AOPEP: variants seen among roughly 807,000 people sequenced by gnomAD.
The protein encoded by AOPEP is aminopeptidase O.
AOPEP carries 77 observed loss-of-function variants against 98.1 expected under a neutral mutation model. The observed-to-expected ratio is 0.78, with a 90% CI of 0.65 to 0.95. The LOEUF (loss-of-function observed/expected upper bound fraction) is 0.95, where lower values mean the gene tolerates loss of function less well. Ranked by LOEUF, AOPEP falls within the 40% of genes least tolerant of loss-of-function variation. AOPEP has a pLI of 0.00. For missense variants in AOPEP, 1,024 were observed against 1,024.7 expected, an observed-to-expected ratio of 1.00 and a Z score of 0.01; for synonymous variants, 346 against 365.3, an observed-to-expected ratio of 0.95 and a Z score of 0.60.
rs143402754 is a variant in AOPEP at position 94,839,545 on chromosome 9, T to C, written c.1364+38543T>C. ...GCCTATAAGTGGTATTCTTTTTGTA[T>C]TTTAGTTTCATTTTCATAACTAGTA... On this transcript the variant is annotated intron_variant, in intron 5 of 16. Coordinates refer to ENST00000375315, the MANE Select transcript of AOPEP (RefSeq NM_001193329.3). 4.9e-4 allele frequency among the ~76,000 whole-genome samples: 74 copies of C among 152,258 alleles called. No individual in the cohort carries two copies. The East Asian group carries it at 0.013, about 26-fold the overall frequency.
In AOPEP at chr9:94,979,391, C is replaced by T; in HGVS notation, c.1941C>T (p.Ile647=). 6.2e-7 allele frequency: 1 copy of T among 1,603,182 alleles called. No individual in the cohort carries two copies. Among genetic ancestry groups the T allele is most frequent in the Non-Finnish European group, 8.5e-7 (1 of 1,172,738 alleles). ...EKRLELSVEN[I]YQDWLESSGI... is the part of the protein sequence containing the mutation. ...GGCTTGAGCTGTCTGTTGAAAACAT[C>T]TACCAAGACTGGCTTGAGAGTTCCG... The change falls in exon 11 of 17, where the codon ATC becomes ATT. Residue 647 remains isoleucine, a synonymous_variant. Coordinates refer to ENST00000375315, the MANE Select transcript of AOPEP (RefSeq NM_001193329.3).
chr9:94,851,074 G>A (rs937166229), intron 5 of AOPEP, among the ~76,000 whole-genome samples: 12 of 152,158 alleles, frequency 7.9e-5, no homozygotes, highest in East Asian at 5.8e-4. Context: ...ACGGAGAAGC[G>A]GAGCTCTGAC....
At chr9:95,114,284 C>T in the AOPEP span, 1 of 364,726 alleles carries the variant, frequency 2.7e-6, no homozygotes, top group South Asian at 2.3e-5. Flanking sequence ...TTCTGTGCGG[C>T]CAGGGAGGGG....
chr9:94,841,058 A>T (rs898370644), intron 5 of AOPEP, among the ~76,000 whole-genome samples: 1 of 151,630 alleles, frequency 6.6e-6, no homozygotes, highest in Non-Finnish European at 1.5e-5. Context: ...TTCTTTTTCC[A>T]GTTTCTTAAG....
At chr9:94,984,319 G>T (rs901869384) in intron 11 of AOPEP, among the ~76,000 whole-genome samples, 1 of 152,114 alleles carries the variant, frequency 6.6e-6, no homozygotes, top group African/African-American at 2.4e-5. Context: ...CTGAGCCACC[G>T]CACCTAGCCG....
chr9:95,017,415 T>G (rs1161869489), intron 13 of AOPEP, among the ~76,000 whole-genome samples: 3 of 152,258 alleles, frequency 2.0e-5, no homozygotes, highest in Non-Finnish European at 4.4e-5. Context: ...TTGGTAATTA[T>G]TAATGTATCT....
chr9:94,832,860 G>T (rs7047928), intron 5 of AOPEP, among the ~76,000 whole-genome samples: 63,238 of 148,260 alleles, frequency 0.43, 13,729 homozygotes, highest in East Asian at 0.53. Context: ...GTAGAAGAAA[G>T]CGGGGGAAAA....
At chr9:94,890,211 G>GTT (rs531372863) in intron 5 of AOPEP, among the ~76,000 whole-genome samples, 2 of 144,968 alleles carry the variant, frequency 1.4e-5, no homozygotes, top group Non-Finnish European at 3.0e-5. Flanking sequence ...TGGTTTTTTT[G>GTT]TTTTTTTTTG....
At chr9:95,019,893 T>C (rs2063318347) in intron 13 of AOPEP, 1 of 152,144 alleles carries the variant, frequency 6.6e-6, no homozygotes, top group African/African-American at 2.4e-5. Context: ...GTGAGTAGAA[T>C]GTTATGAAAG....
At chr9:94,983,150 CCCT>C (rs2060299307) in intron 11 of AOPEP, among the ~76,000 whole-genome samples, 1 of 152,192 alleles carries the variant, frequency 6.6e-6, no homozygotes, top group Admixed American at 6.5e-5. Flanking sequence ...GCCTCAGCCT[CCCT>C]AGCAGCCAGG....
intron 3 of AOPEP, 105 bp downstream of exon 3, chr9:94,773,273 G>A: frequency 1.9e-6 from 2 of 1,063,128 alleles, no homozygotes; most frequent in Non-Finnish European, 1.4e-6. Context: ...TTTATTAGTT[G>A]GGTTGGAAAT....
At chr9:95,091,967 T>C (rs1057153310), downstream of AOPEP, among the ~76,000 whole-genome samples, 6 of 151,898 alleles carry the variant, frequency 4.0e-5, no homozygotes, top group African/African-American at 1.5e-4. Flanking sequence ...GGTTCTCACA[T>C]AGATCCAGAA....
intron 5 of AOPEP, among the ~76,000 whole-genome samples, chr9:94,886,311 T>A (rs1209257582): frequency 2.6e-4 from 39 of 152,158 alleles, no homozygotes; most frequent in Admixed American, 2.6e-3. Flanking sequence ...TCCTGAGACG[T>A]CCATAAGCTG....
intron 3 of AOPEP, among the ~76,000 whole-genome samples, chr9:94,773,441 T>G (rs562092380): frequency 1.4e-4 from 21 of 152,152 alleles, no homozygotes; most frequent in African/African-American, 4.6e-4. Flanking sequence ...AGGCCATAAG[T>G]AGGTGGTCTT....
At chr9:95,111,109 G>C in the AOPEP span, 3 of 1,524,234 alleles carry the variant, frequency 2.0e-6, no homozygotes, top group Non-Finnish European at 2.6e-6. Context: ...TCTGCTGCCG[G>C]CACACCCCTC....
the AOPEP span, chr9:95,107,221 T>C: frequency 6.2e-7 from 1 of 1,614,068 alleles, no homozygotes; most frequent in Non-Finnish European, 8.5e-7. Flanking sequence ...GAGAGGCTGC[T>C]GCTTCTGGAC....
intron 4 of AOPEP, among the ~76,000 whole-genome samples, chr9:94,800,280 C>T (rs1422645850): frequency 6.6e-6 from 1 of 152,144 alleles, no homozygotes; most frequent in African/African-American, 2.4e-5. Context: ...GTTCATGGTT[C>T]TCCCTCAGTC....
chr9:95,000,514 C>A (rs1046323277), intron 11 of AOPEP, among the ~76,000 whole-genome samples: 26 of 152,020 alleles, frequency 1.7e-4, no homozygotes, highest in Admixed American at 1.5e-3. Context: ...TTGAGACCAG[C>A]CTGGCCAACA....
At position 94,955,234 on chromosome 9, in the gene AOPEP, T is replaced by A. The variant is rs1237426778; in HGVS notation, c.1719T>A (p.His573Gln). ...ACTCGGGAGCATCTGTTATCAAGCA[T>A]GGACTTAATCCGGAGAAGATCTTCA... ...TSDSGASVIK[H>Q]GLNPEKIFMQ... Residue 573 changes from histidine (H) to glutamine (Q), a missense_variant, in exon 8 of 17, where the codon CAT (histidine) becomes CAA (glutamine). Coordinates refer to ENST00000375315, the MANE Select transcript of AOPEP (RefSeq NM_001193329.3). The A allele has an allele frequency of 6.2e-7, 1 of 1,613,852 alleles. No homozygotes were observed. Among genetic ancestry groups the A allele is most frequent in the Non-Finnish European group, 8.5e-7 (1 of 1,179,948 alleles).
Sources: gnomAD v4.1 joint callset for allele counts (sites outside exome capture counted in the v4.1 genomes callset) on GRCh38, gnomAD v4.1.1 for gene constraint, MANE v1.5 for transcripts, NCBI Gene and HGNC (gene_info 2026-07-23, HGNC 2026-07-21) for gene names.